Variants in HPSE2 observed in about 807,000 individuals in gnomAD.
HPSE2 encodes the protein inactive heparanase-2.
HPSE2 carries 38 observed loss-of-function variants against 60.5 expected under a neutral mutation model. That is an observed-to-expected ratio of 0.63 (90% confidence interval 0.48 to 0.82). The LOEUF (loss-of-function observed/expected upper bound fraction) is 0.82. Ranked by LOEUF, HPSE2 falls within the 40% of genes least tolerant of loss-of-function variation. HPSE2 has a pLI of 0.00. For missense variants in HPSE2, 713 were observed against 740.4 expected (o/e 0.96, Z 0.43); for synonymous variants, 295 against 293.2 (o/e 1.01, Z -0.06).
intron 9 of HPSE2, among the ~76,000 whole-genome samples, chr10:98,608,958 C>G (rs927565365): frequency 9.2e-5 from 14 of 152,132 alleles, no homozygotes; most frequent in African/African-American, 3.4e-4. Context: ...TGTGTGGCCA[C>G]TGGACAGCAA....
At chr10:98,703,267 G>C (rs1018409542) in intron 5 of HPSE2, among the ~76,000 whole-genome samples, 3 of 152,154 alleles carry the variant, frequency 2.0e-5, no homozygotes, top group African/African-American at 7.2e-5. Context: ...CCAATAGCAA[G>C]TACTGAAATT....
At chr10:98,538,992 G>A (rs1049677388) in intron 9 of HPSE2, among the ~76,000 whole-genome samples, 6 of 152,178 alleles carry the variant, frequency 3.9e-5, no homozygotes, top group African/African-American at 9.7e-5. Flanking sequence ...AGCCAGCAAC[G>A]TAGGCTGGTT....
chr10:99,289,578 C>G, the HPSE2 span, among the ~76,000 whole-genome samples: 1 of 152,154 alleles, frequency 6.6e-6, no homozygotes, highest in South Asian at 2.1e-4. Flanking sequence ...GGGGGAATAT[C>G]AGTGGAGTAA....
At chr10:99,190,435 T>C (rs983531804) in intron 2 of HPSE2, among the ~76,000 whole-genome samples, 1 of 152,334 alleles carries the variant, frequency 6.6e-6, no homozygotes, top group East Asian at 1.9e-4. Flanking sequence ...ATTTATTATT[T>C]CTGTTTTACA....
chr10:99,203,290 T>C (rs1045043367), intron 2 of HPSE2, among the ~76,000 whole-genome samples: 42 of 151,930 alleles, frequency 2.8e-4, no homozygotes, highest in African/African-American at 7.5e-4. Context: ...CCAAGATGGC[T>C]CCCTGCAGCC....
chr10:98,575,147 A>G (rs1421026775), intron 9 of HPSE2, among the ~76,000 whole-genome samples: 1 of 152,194 alleles, frequency 6.6e-6, no homozygotes, highest in African/African-American at 2.4e-5. Context: ...CCTCAGTTTA[A>G]GCAACCAATT....
chr10:98,693,378 A>G (rs1345799773), intron 6 of HPSE2, among the ~76,000 whole-genome samples: 1 of 152,164 alleles, frequency 6.6e-6, no homozygotes, highest in Non-Finnish European at 1.5e-5. Context: ...TCTTCCTGCA[A>G]TGTTGGAGTT....
At chr10:99,111,126 A>G (rs1844440622) in intron 3 of HPSE2, among the ~76,000 whole-genome samples, 1 of 152,128 alleles carries the variant, frequency 6.6e-6, no homozygotes, top group African/African-American at 2.4e-5. Context: ...TTTACTATAT[A>G]TATGGGGGTC....
At chr10:98,989,647 A>T (rs1322600051) in intron 3 of HPSE2, among the ~76,000 whole-genome samples, 8 of 105,824 alleles carry the variant, frequency 7.6e-5, no homozygotes, top group African/African-American at 1.7e-4. Context: ...AAAGTATAAT[A>T]AAAAAAAAAA....
intron 5 of HPSE2, among the ~76,000 whole-genome samples, chr10:98,696,328 C>T (rs191971604): frequency 4.3e-5 from 6 of 139,324 alleles, no homozygotes; most frequent in Admixed American, 2.9e-4. Flanking sequence ...ACCATAATAG[C>T]GAGCCAATCC....
rs200946689 is a variant in HPSE2 at position 98,842,541 on chromosome 10, T to TAA, written c.611-98487_611-98486dup. The stretch of plus-strand genomic sequence containing the variant: ...CTTCTTTTTTGTTTTTAAGTGTCTT[T>TAA]AAAAAAAAAAAAAAAGCAGTTTTGG... On this transcript the variant is annotated intron_variant, in intron 3 of 11. Transcript: ENST00000370552. 9.0e-3 allele frequency among the ~76,000 whole-genome samples: 1,216 copies of TAA among 135,330 alleles called. 20 individuals carry two copies. The highest frequency in any genetic ancestry group is 0.03 in the African/African-American group (1,092 of 36,546). The allele number at this position is 135,330 out of a possible 152,430, so 88.8% of individuals were successfully genotyped here. A position where few individuals can be genotyped will look rare whatever the true frequency, so the allele number is the denominator to read the frequency against.
At chr10:99,021,707 T>C (rs2135427069) in intron 3 of HPSE2, among the ~76,000 whole-genome samples, 1 of 152,242 alleles carries the variant, frequency 6.6e-6, no homozygotes, top group East Asian at 1.9e-4. Context: ...GAACATTGGC[T>C]TTTGTCCTCA....
At chr10:98,687,254 A>G (rs1246041688) in intron 6 of HPSE2, among the ~76,000 whole-genome samples, 1 of 152,174 alleles carries the variant, frequency 6.6e-6, no homozygotes, top group African/African-American at 2.4e-5. Flanking sequence ...TTTCTTTTGG[A>G]GATGCTAAGG....
intron 3 of HPSE2, among the ~76,000 whole-genome samples, chr10:99,060,599 G>C (rs1473867723): frequency 6.8e-6 from 1 of 146,198 alleles, no homozygotes; most frequent in Admixed American, 7.1e-5. Context: ...CAGAGGTTGA[G>C]GTAAGCTGAG....
chr10:99,110,197 C>A (rs1407927407), intron 3 of HPSE2, among the ~76,000 whole-genome samples: 1 of 152,136 alleles, frequency 6.6e-6, no homozygotes, highest in Admixed American at 6.6e-5. Flanking sequence ...GTGTTTTCTG[C>A]TTAGTATATA....
At chr10:99,210,095 C>T (rs976737348) in intron 2 of HPSE2, among the ~76,000 whole-genome samples, 1 of 152,068 alleles carries the variant, frequency 6.6e-6, no homozygotes, top group African/African-American at 2.4e-5. Context: ...GGAGGCATTA[C>T]AACTTGTACC....
intron 4 of HPSE2, among the ~76,000 whole-genome samples, chr10:98,728,565 C>T (rs754952503): frequency 7.9e-5 from 12 of 152,180 alleles, no homozygotes; most frequent in African/African-American, 9.6e-5. Flanking sequence ...TTGCAGTAAG[C>T]CAAGATCACA....
the HPSE2 span, among the ~76,000 whole-genome samples, chr10:99,312,520 C>T: frequency 6.6e-6 from 1 of 152,334 alleles, no homozygotes; most frequent in Non-Finnish European, 1.5e-5. Flanking sequence ...CTGTTTACAG[C>T]AAACTTTACT....
chr10:98,998,545 G>A (rs999334547), intron 3 of HPSE2, among the ~76,000 whole-genome samples: 1 of 152,162 alleles, frequency 6.6e-6, no homozygotes, highest in African/African-American at 2.4e-5. Context: ...TAGCTCCCTG[G>A]AAACGTAGGT....
Sources: allele counts gnomAD v4.1 joint callset (sites outside exome capture counted in the v4.1 genomes callset), GRCh38; gene constraint gnomAD v4.1.1; transcripts MANE v1.5; gene names NCBI Gene and HGNC (gene_info 2026-07-23, HGNC 2026-07-21).